Variants in AGBL3 observed in about 807,000 individuals in gnomAD.
AGBL3 encodes AGBL carboxypeptidase 3, also known as cytosolic carboxypeptidase 3.
A neutral mutation model predicts 94.5 loss-of-function variants in AGBL3; 68 were observed. The observed-to-expected ratio is 0.72, with a 90% CI of 0.59 to 0.88. AGBL3 has a LOEUF of 0.88. AGBL3 is among the 40% of genes least tolerant of loss of function. The pLI is 0.00. For synonymous variants in AGBL3, 354 were observed against 370.7 expected (o/e 0.95, Z 0.52); for missense variants, 934 against 1,103.8 (o/e 0.85, Z 2.18).
At chr7:135,071,094 C>T (rs535508627) in intron 12 of AGBL3, among the ~76,000 whole-genome samples, 1 of 152,058 alleles carries the variant, frequency 6.6e-6, no homozygotes, top group Non-Finnish European at 1.5e-5. Flanking sequence ...AGACAGAGAG[C>T]CAAATCATCA....
At chr7:135,109,891 C>G (rs1825363889) in intron 15 of AGBL3, among the ~76,000 whole-genome samples, 1 of 152,186 alleles carries the variant, frequency 6.6e-6, no homozygotes, top group African/African-American at 2.4e-5. Context: ...CTCGTGGAAG[C>G]TCTATACCAG....
At chr7:135,024,762 T>C (rs965888890) in intron 5 of AGBL3, among the ~76,000 whole-genome samples, 1 of 152,172 alleles carries the variant, frequency 6.6e-6, no homozygotes, top group Non-Finnish European at 1.5e-5. Context: ...ATCCAAGAGC[T>C]GAAAGATGTA....
chr7:135,059,112 T>C (rs967530775), intron 11 of AGBL3, 57 bp from the exon 12 acceptor site: 13 of 1,295,680 alleles, frequency 1.0e-5, no homozygotes, highest in South Asian at 8.1e-5. Context: ...AAAGCAACAG[T>C]TGAAATTTTA....
chr7:135,085,115 A>T (rs1055365542), intron 15 of AGBL3, among the ~76,000 whole-genome samples: 2 of 152,090 alleles, frequency 1.3e-5, no homozygotes. Context: ...GCATTGTTCC[A>T]TATACCTGTT....
chr7:135,042,789 T>C (rs1375768899), intron 8 of AGBL3, among the ~76,000 whole-genome samples: 1 of 152,116 alleles, frequency 6.6e-6, no homozygotes, highest in Non-Finnish European at 1.5e-5. Flanking sequence ...TAAGTGCCTG[T>C]GGTCTCAGCT....
intron 4 of AGBL3, among the ~76,000 whole-genome samples, chr7:135,002,938 C>T (rs573189322): frequency 6.6e-6 from 1 of 152,280 alleles, no homozygotes; most frequent in African/African-American, 2.4e-5. Context: ...TCTCTAAGTG[C>T]TTTCTGCCTA....
At chr7:135,026,763 G>A (rs1374347336) in intron 5 of AGBL3, among the ~76,000 whole-genome samples, 1 of 151,226 alleles carries the variant, frequency 6.6e-6, no homozygotes, top group African/African-American at 2.4e-5. Context: ...ATAGTATATA[G>A]TAGTACCTTA....
intron 12 of AGBL3, among the ~76,000 whole-genome samples, chr7:135,072,122 CA>C (rs1304859719): frequency 6.6e-6 from 1 of 152,144 alleles, no homozygotes; most frequent in Non-Finnish European, 1.5e-5. Flanking sequence ...AGACACTTCT[CA>C]AAAGAAGACA....
At chr7:135,066,102 C>T (rs1415885835) in intron 12 of AGBL3, among the ~76,000 whole-genome samples, 1 of 152,022 alleles carries the variant, frequency 6.6e-6, no homozygotes. Context: ...AAAGCATAGA[C>T]AACAAAAACA....
intron 4 of AGBL3, chr7:135,012,489 A>C (rs1813280486): frequency 6.6e-6 from 1 of 152,090 alleles, no homozygotes. Flanking sequence ...TAAGTATAAT[A>C]CCTAATAAAC....
intron 11 of AGBL3, among the ~76,000 whole-genome samples, 192 bp from the exon 12 acceptor site, chr7:135,058,977 A>G (rs4728350): frequency 0.43 from 66,078 of 151,908 alleles, 14,586 homozygotes; most frequent in South Asian, 0.61. Flanking sequence ...GGCTGGTCTC[A>G]AACTCCTGAC....
chr7:135,086,034 T>C (rs936839952), intron 15 of AGBL3, among the ~76,000 whole-genome samples: 1 of 152,076 alleles, frequency 6.6e-6, no homozygotes, highest in Non-Finnish European at 1.5e-5. Context: ...ATAGTTTTCC[T>C]TGTAGAGATA....
chr7:135,095,282 C>T (rs961005663), intron 15 of AGBL3, among the ~76,000 whole-genome samples: 2 of 152,108 alleles, frequency 1.3e-5, no homozygotes, highest in African/African-American at 4.8e-5. Flanking sequence ...AGGATACTTC[C>T]TCTCCCCCAT....
intron 16 of AGBL3, among the ~76,000 whole-genome samples, chr7:135,134,366 T>C (rs987797131): frequency 4.6e-5 from 7 of 151,934 alleles, no homozygotes; most frequent in Non-Finnish European, 8.8e-5. Context: ...GCTGCAATTA[T>C]TAGTTTACAA....
chr7:135,132,178 TGATATCAAAACCA>T (rs1301478686), intron 16 of AGBL3, among the ~76,000 whole-genome samples: 1 of 152,080 alleles, frequency 6.6e-6, no homozygotes, highest in East Asian at 1.9e-4. Context: ...ACTGTTAGTG[TGATATCAAAACCA>T]GACAAGGGCA....
chr7:135,124,243 G>A (rs1482001770), intron 16 of AGBL3, among the ~76,000 whole-genome samples: 2 of 150,574 alleles, frequency 1.3e-5, no homozygotes, highest in African/African-American at 4.9e-5. Context: ...AGTAGGGGTT[G>A]CAATCCTAGT....
At chr7:134,996,250 T>C (rs544406133) in intron 4 of AGBL3, among the ~76,000 whole-genome samples, 1 of 152,248 alleles carries the variant, frequency 6.6e-6, no homozygotes, top group South Asian at 2.1e-4. Context: ...CCAAGATCTA[T>C]GTGATGCATC....
chr7:135,013,993 G>A (rs943052216), intron 4 of AGBL3, among the ~76,000 whole-genome samples: 5 of 151,862 alleles, frequency 3.3e-5, no homozygotes, highest in Non-Finnish European at 5.9e-5. Context: ...TCAGGAGTTC[G>A]AGACCAGCCT....
intron 15 of AGBL3, among the ~76,000 whole-genome samples, chr7:135,098,756 G>A: frequency 6.6e-6 from 1 of 152,136 alleles, no homozygotes; most frequent in East Asian, 1.9e-4. Flanking sequence ...ATTGGAAAAA[G>A]AAACAGGAAG....
Sources: allele counts gnomAD v4.1 joint callset (sites outside exome capture counted in the v4.1 genomes callset), GRCh38; gene constraint gnomAD v4.1.1; transcripts MANE v1.5; gene names NCBI Gene and HGNC (gene_info 2026-07-23, HGNC 2026-07-21).